Variants in NFRKB observed in about 807,000 individuals in gnomAD.
The protein encoded by NFRKB is nuclear factor related to kappaB binding protein, also known as nuclear factor related to kappa-B-binding protein.
NFRKB carries 62 observed loss-of-function variants against 135.7 expected under a neutral mutation model. The observed-to-expected ratio is 0.46, with a 90% CI of 0.37 to 0.56. NFRKB has a LOEUF of 0.56. NFRKB is among the 20% of genes least tolerant of loss of function. The pLI, the probability that NFRKB is intolerant of heterozygous loss-of-function variation, is 0.00. For missense variants in NFRKB, 1,545 were observed against 1,662.0 expected, an observed-to-expected ratio of 0.93 and a Z score of 1.22; for synonymous variants, 678 against 635.6, an observed-to-expected ratio of 1.07 and a Z score of -1.00.
rs1385943653 is a variant in NFRKB at position 129,869,972 on chromosome 11, T to C, written c.3053A>G (p.His1018Arg). Reference protein sequence around the residue: ...ATLHVTSNPVHAADSPAKASS... With the variant: ...ATLHVTSNPVRAADSPAKASS... ...GGCCTTGGCAGGGCTATCAGCTGCA[T>C]GTACTGGATTGGAAGTGACGTGTAA... Residue 1018 changes from histidine (H) to arginine (R), a missense_variant, in exon 24 of 27, where the codon CAT (histidine) becomes CGT (arginine). Physicochemically the swap from His to Arg is conservative, Grantham distance 29. Transcript: ENST00000682444. The C allele has an allele frequency of 6.2e-7, 1 of 1,614,238 alleles. No homozygotes were observed. Among genetic ancestry groups the C allele is most frequent in the Non-Finnish European group, 8.5e-7 (1 of 1,180,036 alleles).
intron 6 of NFRKB, 92 bp downstream of exon 6, chr11:129,885,343 G>C (rs1193018136): frequency 7.1e-7 from 1 of 1,401,352 alleles, no homozygotes; most frequent in Non-Finnish European, 9.8e-7. Context: ...TTTCTTTGCT[G>C]GGGAGATAAA....
rs764085859 is a variant in NFRKB, at chr11:129,886,372, T to C, written c.410A>G (p.Asn137Ser). The C allele has an allele frequency of 1.3e-5, 21 of 1,613,792 alleles. No individual in the cohort carries two copies. Among genetic ancestry groups the C allele is most frequent in the East Asian group, 4.5e-5 (2 of 44,872 alleles). ...CCGATGGAAATACTGCTGCTGGGAGTTGAGGTAGCGCTTGTACTGTGACTT... is the reference window on the plus strand; with the variant it reads ...CCGATGGAAATACTGCTGCTGGGAGCTGAGGTAGCGCTTGTACTGTGACTT... ...CFKSQYKRYL[N>S]SQQQYFHRLL... is the part of the protein sequence containing the mutation. The change falls in exon 5 of 27, where the codon AAC becomes AGC. Residue 137 changes from asparagine (N) to serine (S), a missense_variant. Physicochemically the swap from Asn to Ser is conservative, Grantham distance 46. Coordinates refer to ENST00000682444, the MANE Select transcript of NFRKB (RefSeq NM_001143835.2).
chr11:129,875,501 C>A (rs749575442), intron 17 of NFRKB, 38 bp from the exon 18 acceptor site: 1 of 1,524,424 alleles, frequency 6.6e-7, no homozygotes, highest in Admixed American at 1.9e-5. Flanking sequence ...ACAAGTCAGG[C>A]AGGGTTCCTA....
intron 3 of NFRKB, among the ~76,000 whole-genome samples, chr11:129,889,153 G>C (rs182658655): frequency 6.6e-6 from 1 of 152,084 alleles, no homozygotes; most frequent in Admixed American, 6.6e-5. Flanking sequence ...GTAGAGATAG[G>C]GTTTCACCAT....
At chr11:129,885,706 A>C in intron 5 of NFRKB, 97 bp from the exon 6 acceptor site, 1 of 1,130,620 alleles carries the variant, frequency 8.8e-7, no homozygotes, top group Middle Eastern at 2.0e-4. Flanking sequence ...CTTCAGTGTT[A>C]AGCCCAACTC....
At position 129,876,898 on chromosome 11, in the gene NFRKB, A is replaced by G. The variant is rs1206819443; in HGVS notation, c.1573-3T>C. On this transcript the variant is annotated splice_polypyrimidine_tract_variant and splice_region_variant and intron_variant, in intron 16 of 26. Coordinates refer to ENST00000682444, the MANE Select transcript of NFRKB (RefSeq NM_001143835.2). ...GGTTGGCTATACCTGTAACGCTCCT[A>G]CCAAGAGACAAGGGACAAGAGTTCT... 6.2e-7 allele frequency: 1 copy of G among 1,612,794 alleles called. No homozygotes were observed. Among genetic ancestry groups the G allele is most frequent in the East Asian group, 2.2e-5 (1 of 44,860 alleles).
Position 129,865,046 on chromosome 11 carries a change from G to A in NFRKB, c.3694C>T (p.Leu1232Phe), listed in dbSNP as rs752061719. 2.5e-6 allele frequency: 4 copies of A among 1,612,802 alleles called. No homozygotes were observed. The South Asian group carries it at 4.4e-5, about 18-fold the overall frequency. Residue 1232 changes from leucine to phenylalanine, a missense_variant, in exon 26 of 27, where the codon CTC becomes TTC. By Grantham distance (22) the Leu-to-Phe change is conservative. Coordinates refer to ENST00000682444, the MANE Select transcript of NFRKB (RefSeq NM_001143835.2). ...ILTTMPAGTK[L>F]IAGNKPVSFL... ...CTAACAGGCTTATTGCCAGCAATGA[G>A]CTTAGTGCCTGCTGGCATAGTTGTG...
At chr11:129,864,915 G>C in intron 26 of NFRKB, 51 bp downstream of exon 26, 1 of 1,612,972 alleles carries the variant, frequency 6.2e-7, no homozygotes, top group Non-Finnish European at 8.5e-7. Flanking sequence ...AAGAACAGCA[G>C]TGGAATCAGA....
At position 129,873,055 on chromosome 11, in the gene NFRKB, T is replaced by G. The variant is rs750554459; in HGVS notation, c.2592A>C (p.Ala864=). 1.2e-6 allele frequency: 2 copies of G among 1,613,172 alleles called. No individual in the cohort carries two copies. Among genetic ancestry groups the G allele is most frequent in the Admixed American group, 3.3e-5 (2 of 59,940 alleles). The change falls in exon 23 of 27, where the codon GCA becomes GCC. Residue 864 remains alanine (A), a synonymous_variant. Transcript: ENST00000682444. ...ATVPVKAQTT[A]ATVQRPGPGQ... ...CGGGTCCAGGCCGCTGCACAGTGGC[T>G]GCCGTAGTCTGCGCTTTGACGGGCA...
chr11:129,895,107 G>A (rs1949713952), intron 1 of NFRKB, among the ~76,000 whole-genome samples: 1 of 152,208 alleles, frequency 6.6e-6, no homozygotes, highest in Non-Finnish European at 1.5e-5. Flanking sequence ...AGACCACGAA[G>A]GCCTCTCGGC....
intron 3 of NFRKB, 53 bp from the exon 4 acceptor site, chr11:129,888,848 G>C (rs960510690): frequency 3.1e-6 from 4 of 1,273,418 alleles, no homozygotes; most frequent in Non-Finnish European, 4.5e-6. Flanking sequence ...TGAGTTTTTT[G>C]TATGTATGCG....
chr11:129,881,315 G>A (rs1057097641), intron 13 of NFRKB, 128 bp downstream of exon 13: 1 of 903,518 alleles, frequency 1.1e-6, no homozygotes, highest in African/African-American at 1.7e-5. Context: ...CCTTCACAGA[G>A]CAAAATAAGG....
intron 4 of NFRKB, among the ~76,000 whole-genome samples, chr11:129,886,691 T>G (rs1300482564): frequency 6.6e-6 from 1 of 152,186 alleles, no homozygotes; most frequent in Non-Finnish European, 1.5e-5. Context: ...GCACTAGAAC[T>G]GACACATGGC....
intron 1 of NFRKB, among the ~76,000 whole-genome samples, 197 bp from the exon 2 acceptor site, chr11:129,894,635 GAGTCAAGTCACGTGGGT>G (rs1422416852): frequency 6.6e-6 from 1 of 152,204 alleles, no homozygotes; most frequent in Non-Finnish European, 1.5e-5. Context: ...CTTAAGCGTT[GAGTCAAGTCACGTGGGT>G]GGTCCCCAAG....
At position 129,869,978 on chromosome 11, in the gene NFRKB, G is replaced by A. The variant is rs769424231; in HGVS notation, c.3047C>T (p.Pro1016Leu). Residue 1016 changes from proline (P) to leucine (L), a missense_variant, in exon 24 of 27, where the codon CCA becomes CTA. Around this residue, in one of 3 missense-constraint regions of NFRKB, gnomAD observed 753 missense variants for 804.3 expected, o/e 0.94. Transcript: ENST00000682444. ...ISATLHVTSNPVHAADSPAKA... is the reference protein window; with the variant it reads ...ISATLHVTSNLVHAADSPAKA... ...GGCAGGGCTATCAGCTGCATGTACT[G>A]GATTGGAAGTGACGTGTAAGGTGGC... 27 of 1,614,138 alleles carry A rather than the reference G, an allele frequency of 1.7e-5. No homozygotes were observed. The highest frequency in any genetic ancestry group is 2.3e-5 in the Non-Finnish European group (27 of 1,180,052).
chr11:129,884,499 C>T (rs1949177812), intron 7 of NFRKB, among the ~76,000 whole-genome samples: 1 of 152,184 alleles, frequency 6.6e-6, no homozygotes, highest in African/African-American at 2.4e-5. Context: ...CAAGATTTTG[C>T]TTTCTTTAGC....
intron 4 of NFRKB, chr11:129,888,189 A>G (rs952641391): frequency 1.4e-5 from 7 of 503,872 alleles, no homozygotes; most frequent in African/African-American, 5.8e-5. Flanking sequence ...GTGAAGTGTC[A>G]TATTTTCTGC....
chr11:129,880,513 C>T (rs1306241899), intron 13 of NFRKB, among the ~76,000 whole-genome samples: 2 of 152,166 alleles, frequency 1.3e-5, no homozygotes, highest in East Asian at 3.9e-4. Flanking sequence ...TCAAATGCTG[C>T]TGCCTCCCCT....
chr11:129,870,053 G>A lies in NFRKB; in HGVS notation c.2972C>T (p.Thr991Ile). ...GCCTCCTGTCCCGAAGAGGTCCTGGGTCAATTTGACTGTGGTAACCTGGGA... is the reference window on the plus strand; with the variant it reads ...GCCTCCTGTCCCGAAGAGGTCCTGGATCAATTTGACTGTGGTAACCTGGGA... ...AKSQVTTVKL[T>I]QDLFGTGGNT... is the part of the protein sequence containing the mutation. The change falls in exon 24 of 27, where the codon ACC becomes ATC. Residue 991 changes from threonine to isoleucine, a missense_variant. Physicochemically the swap from Thr to Ile is moderately conservative, Grantham distance 89. Around this residue, in one of 3 missense-constraint regions of NFRKB, gnomAD observed 753 missense variants for 804.3 expected, o/e 0.94. Coordinates refer to ENST00000682444, the MANE Select transcript of NFRKB (RefSeq NM_001143835.2). The A allele has an allele frequency of 6.8e-6, 11 of 1,614,258 alleles. No homozygotes were observed. Among genetic ancestry groups the A allele is most frequent in the Non-Finnish European group, 9.3e-6 (11 of 1,180,044 alleles).
Sources: allele counts gnomAD v4.1 joint callset (sites outside exome capture counted in the v4.1 genomes callset), GRCh38; gene constraint gnomAD v4.1.1; regional missense constraint gnomAD v4.1.1; transcripts MANE v1.5; gene names NCBI Gene and HGNC (gene_info 2026-07-23, HGNC 2026-07-21).